NTRK3: variants seen among roughly 807,000 people sequenced by gnomAD.
NTRK3 encodes neurotrophic receptor tyrosine kinase 3.
A neutral mutation model predicts 91.7 loss-of-function variants in NTRK3; 24 were observed. The observed-to-expected ratio is 0.26, with a 90% CI of 0.19 to 0.37. The LOEUF (loss-of-function observed/expected upper bound fraction) is 0.37. Among genes scored for constraint, NTRK3 ranks in the 10% least tolerant of loss-of-function variants. The pLI, the probability that NTRK3 is intolerant of heterozygous loss-of-function variation, is 1.00. For synonymous variants in NTRK3, 483 were observed against 404.0 expected (o/e 1.20, Z -2.34); for missense variants, 880 against 1,068.9 (o/e 0.82, Z 2.46).
intron 14 of NTRK3, among the ~76,000 whole-genome samples, chr15:88,023,508 A>C (rs1388501897): frequency 6.6e-6 from 1 of 152,326 alleles, no homozygotes; most frequent in African/African-American, 2.4e-5. Context: ...CTGGTGAAAA[A>C]GGTTAAAGCT....
chr15:88,027,544 G>A (rs977915798), intron 14 of NTRK3, among the ~76,000 whole-genome samples: 36 of 152,058 alleles, frequency 2.4e-4, no homozygotes, highest in Non-Finnish European at 4.9e-4. Flanking sequence ...CACCATGCCC[G>A]GCTAATTTTT....
chr15:88,060,012 G>A (rs1433365234), intron 13 of NTRK3, among the ~76,000 whole-genome samples: 1 of 152,172 alleles, frequency 6.6e-6, no homozygotes, highest in Admixed American at 6.5e-5. Flanking sequence ...ATAGATTTCT[G>A]TTGTTAAAGC....
intron 5 of NTRK3, among the ~76,000 whole-genome samples, chr15:88,182,055 A>G (rs1208375428): frequency 6.6e-6 from 1 of 151,764 alleles, no homozygotes; most frequent in Non-Finnish European, 1.5e-5. Context: ...ACATCAGGAG[A>G]CTCTCACCAC....
intron 14 of NTRK3, among the ~76,000 whole-genome samples, chr15:87,994,512 G>A (rs1274888198): frequency 2.6e-5 from 4 of 152,168 alleles, no homozygotes; most frequent in Non-Finnish European, 5.9e-5. Context: ...AGCTAGAAGA[G>A]GGGCCTGGAA....
chr15:87,981,429 A>C (rs2074259673), intron 14 of NTRK3: 1 of 1,611,416 alleles, frequency 6.2e-7, no homozygotes, highest in South Asian at 1.1e-5. Flanking sequence ...AAACATGGGA[A>C]AGTATTTTTC....
intron 13 of NTRK3, among the ~76,000 whole-genome samples, chr15:88,043,284 G>A (rs532999104): frequency 5.4e-4 from 82 of 152,280 alleles, no homozygotes; most frequent in African/African-American, 1.9e-3. Flanking sequence ...CTGATTGCAC[G>A]TATAAGGTGA....
At chr15:87,898,926 C>G (rs909361028) in intron 17 of NTRK3, among the ~76,000 whole-genome samples, 2 of 152,006 alleles carry the variant, frequency 1.3e-5, no homozygotes, top group Non-Finnish European at 2.9e-5. Flanking sequence ...CATTTTCAAT[C>G]CAGTCCCTCA....
At chr15:88,149,397 T>C (rs764372099) in intron 5 of NTRK3, among the ~76,000 whole-genome samples, 2 of 152,168 alleles carry the variant, frequency 1.3e-5, no homozygotes, top group East Asian at 1.9e-4. Flanking sequence ...CTGTACCCAG[T>C]ACCCTCTCTG....
chr15:87,923,881 T>TTGCCATGTGATGTCTTC (rs1198476163), intron 17 of NTRK3, among the ~76,000 whole-genome samples: 1 of 152,124 alleles, frequency 6.6e-6, no homozygotes, highest in Non-Finnish European at 1.5e-5. Flanking sequence ...TCTTGGTCTT[T>TTGCCATGTGATGTCTTC]TGCCATGTGA....
intron 13 of NTRK3, among the ~76,000 whole-genome samples, chr15:88,122,903 G>A (rs1003719168): frequency 2.0e-5 from 3 of 152,148 alleles, no homozygotes; most frequent in African/African-American, 4.8e-5. Flanking sequence ...CAAATGTTGC[G>A]TGGTGTTTTC....
At chr15:88,174,482 C>G (rs1320074314) in intron 5 of NTRK3, among the ~76,000 whole-genome samples, 3 of 152,188 alleles carry the variant, frequency 2.0e-5, no homozygotes, top group Non-Finnish European at 4.4e-5. Context: ...GCATATAGTC[C>G]TGACTCAAGC....
chr15:87,951,409 T>C (rs539123772), intron 14 of NTRK3, among the ~76,000 whole-genome samples: 76 of 152,320 alleles, frequency 5.0e-4, no homozygotes, highest in African/African-American at 1.6e-3. Flanking sequence ...AAGACCAGCA[T>C]TCAATTTTTA....
At chr15:88,169,044 A>G (rs1473777508) in intron 5 of NTRK3, among the ~76,000 whole-genome samples, 1 of 152,202 alleles carries the variant, frequency 6.6e-6, no homozygotes, top group Non-Finnish European at 1.5e-5. Flanking sequence ...CATGAGCTAG[A>G]GGTGGCATGG....
chr15:88,126,806 G>C lies in NTRK3; in HGVS notation c.1293+356C>G, dbSNP rs2068048. Among the ~76,000 whole-genome samples, 968 of 152,292 alleles carry C rather than the reference G, an allele frequency of 6.4e-3. 13 individuals are homozygous for C. The highest frequency in any genetic ancestry group is 0.022 in the African/African-American group (914 of 41,574). Reference sequence around the variant, plus strand: ...CCTCCCCAGAGTAATCTTAGGCTCTGAAATAGTAGGAGTGGGCGCTTGAAA... The same window carrying C: ...CCTCCCCAGAGTAATCTTAGGCTCTCAAATAGTAGGAGTGGGCGCTTGAAA... On this transcript the variant is annotated intron_variant, in intron 12 of 18. Transcript: ENST00000394480.
chr15:88,165,626 A>G (rs2044860713), intron 5 of NTRK3, among the ~76,000 whole-genome samples: 1 of 152,224 alleles, frequency 6.6e-6, no homozygotes, highest in Non-Finnish European at 1.5e-5. Context: ...GCTAATCACT[A>G]TACGCTTTAA....
rs1267607160 is a variant in NTRK3, at chr15:87,886,705, TATACACACACACAC to T, written c.2134-6291_2134-6278del. ...ATATATATATATATATATATACATA[TATACACACACACAC>T]ATACACACACACACATAAACACACA... On this transcript the variant is annotated intron_variant, in intron 17 of 18. Transcript: ENST00000394480. Among the ~76,000 whole-genome samples the T allele has an allele frequency of 9.1e-5, 13 of 142,572 alleles. No homozygotes were observed. The Admixed American group carries it at 9.2e-4, about 10-fold the overall frequency. 93.5% of individuals were successfully genotyped at this position (142,572 alleles called of 152,430 possible). A position where few individuals can be genotyped will look rare whatever the true frequency, so the allele number is the denominator to read the frequency against.
intron 6 of NTRK3, among the ~76,000 whole-genome samples, chr15:88,141,935 A>G (rs1259807405): frequency 6.6e-6 from 1 of 152,222 alleles, no homozygotes; most frequent in Non-Finnish European, 1.5e-5. Context: ...CTTTGTTCCA[A>G]CTGAGTTTAT....
intron 3 of NTRK3, among the ~76,000 whole-genome samples, chr15:88,213,990 A>G (rs2049493739): frequency 6.6e-6 from 1 of 152,142 alleles, no homozygotes; most frequent in African/African-American, 2.4e-5. Flanking sequence ...GAGGCAGGAT[A>G]ACTGCTTGAA....
At chr15:88,094,310 C>CA (rs1467809857) in intron 13 of NTRK3, among the ~76,000 whole-genome samples, 14 of 149,382 alleles carry the variant, frequency 9.4e-5, no homozygotes, top group Non-Finnish European at 1.5e-4. Context: ...ACTAAAAATA[C>CA]AAAAAAAAAT....
Sources: allele counts gnomAD v4.1 joint callset (sites outside exome capture counted in the v4.1 genomes callset), GRCh38; gene constraint gnomAD v4.1.1; transcripts MANE v1.5; gene names NCBI Gene and HGNC (gene_info 2026-07-23, HGNC 2026-07-21).